RBM34: variants seen among roughly 807,000 people sequenced by gnomAD.
The protein encoded by RBM34 is RNA binding motif protein 34, also known as RNA-binding protein 34.
A neutral mutation model predicts 44.6 loss-of-function variants in RBM34; 39 were observed. That is an observed-to-expected ratio of 0.87 (90% CI 0.68 to 1.14). RBM34 has a LOEUF of 1.14. Ranked by LOEUF, RBM34 falls within the 50% of genes most tolerant of loss-of-function variation. RBM34 has a pLI of 0.00. For missense variants in RBM34, 572 were observed against 517.9 expected, an observed-to-expected ratio of 1.10 and a Z score of -1.01; for synonymous variants, 194 against 184.0, an observed-to-expected ratio of 1.05 and a Z score of -0.44.
Position 235,154,944 on chromosome 1 carries a change from T to G in RBM34, c.534A>C (p.Glu178Asp). ...CAGTTCTCTCATTCTTTAATCTCTC[T>G]TCTTCTTGGTTGATTTGAATTTTCT... ...QRKKIQINQEEERLKNERTVF... is the reference protein window; with the variant it reads ...QRKKIQINQEDERLKNERTVF... Residue 178 changes from glutamate to aspartate, a missense_variant, in exon 4 of 11, where the codon GAA becomes GAC. Transcript: ENST00000408888. 3 of 1,614,068 alleles carry G rather than the reference T, an allele frequency of 1.9e-6. No individual in the cohort carries two copies. The highest frequency in any genetic ancestry group is 2.2e-5 in the South Asian group (2 of 91,084).
chr1:235,155,389 T>A (rs556107031), intron 3 of RBM34, among the ~76,000 whole-genome samples: 170 of 152,068 alleles, frequency 1.1e-3, no homozygotes, highest in African/African-American at 3.7e-3. Flanking sequence ...TCACCCAGGC[T>A]GGAGTGTAGC....
chr1:235,152,915 C>G (rs1324307806), intron 4 of RBM34, 150 bp from the exon 5 acceptor site: 1 of 647,470 alleles, frequency 1.5e-6, no homozygotes, highest in African/African-American at 2.0e-5. Flanking sequence ...TTCGCCCAGG[C>G]TGGAGTGCAG....
chr1:235,143,989 G>A (rs779871940), intron 6 of RBM34, among the ~76,000 whole-genome samples: 1 of 152,042 alleles, frequency 6.6e-6, no homozygotes, highest in Non-Finnish European at 1.5e-5. Context: ...GACCAGTCTG[G>A]GCATTAGTGA....
chr1:235,132,529 G>A (rs968413697), intron 10 of RBM34, among the ~76,000 whole-genome samples: 1 of 152,012 alleles, frequency 6.6e-6, no homozygotes, highest in Admixed American at 6.6e-5. Flanking sequence ...GAATGGTCTC[G>A]ATCTCTTGAC....
chr1:235,138,043 C>T, intron 7 of RBM34, 48 bp downstream of exon 7: 1 of 1,559,198 alleles, frequency 6.4e-7, no homozygotes, highest in Non-Finnish European at 8.8e-7. Context: ...AGTACTCATA[C>T]ATACTTATAG....
chr1:235,154,598 T>C (rs1025679806), intron 4 of RBM34, among the ~76,000 whole-genome samples: 3 of 152,022 alleles, frequency 2.0e-5, no homozygotes, highest in Admixed American at 6.6e-5. Flanking sequence ...TCTTTAAACA[T>C]ATGGAGCTTA....
chr1:235,157,937 G>C (rs542977694), intron 3 of RBM34, among the ~76,000 whole-genome samples: 1 of 152,138 alleles, frequency 6.6e-6, no homozygotes, highest in Admixed American at 6.5e-5. Flanking sequence ...GTGGAAGGGT[G>C]AACAGATCAA....
At chr1:235,150,161 G>A (rs1349559450) in intron 5 of RBM34, among the ~76,000 whole-genome samples, 4 of 152,176 alleles carry the variant, frequency 2.6e-5, no homozygotes, top group African/African-American at 7.2e-5. Context: ...TGCAACTTCC[G>A]CCTCTCAGGT....
rs773730440 is a variant in RBM34 at position 235,137,895 on chromosome 1, G to T, written c.831C>A (p.Leu277=). Residue 277 remains leucine (L), a synonymous_variant, in exon 8 of 11, where the codon CTC becomes CTA. Transcript: ENST00000408888. ...TACTTACAGATGAGGTCTCAGATGC[G>T]AGATCAACTCTAATACGAAATCCAT... The part of the protein sequence containing the change: ...IADGFRIRVD[L]ASETSSRDKR... The T allele has an allele frequency of 5.0e-6, 8 of 1,599,402 alleles. No individual in the cohort carries two copies. The African/African-American group carries it at 9.4e-5, about 19-fold the overall frequency.
At chr1:235,151,866 G>A (rs554821003) in intron 5 of RBM34, among the ~76,000 whole-genome samples, 1 of 151,934 alleles carries the variant, frequency 6.6e-6, no homozygotes, top group South Asian at 2.1e-4. Context: ...AACCCTGTCC[G>A]GACTAAAAAT....
intron 3 of RBM34, among the ~76,000 whole-genome samples, chr1:235,158,997 G>T (rs1662572294): frequency 6.6e-6 from 1 of 150,666 alleles, no homozygotes; most frequent in Non-Finnish European, 1.5e-5. Flanking sequence ...TGGATCACTT[G>T]AGTCCAGCAG....
chr1:235,146,491 G>A lies in RBM34; in HGVS notation c.701+1913C>T, dbSNP rs546785206. Among the ~76,000 whole-genome samples the A allele has an allele frequency of 2.0e-5, 3 of 152,240 alleles. No homozygotes were observed. In the East Asian group the frequency reaches 5.8e-4, roughly 29 times the overall value. On this transcript the variant is annotated intron_variant, in intron 6 of 10. Coordinates refer to ENST00000408888, the MANE Select transcript of RBM34 (RefSeq NM_015014.4). ...ACCAGTGAGTTAAACTGTTTTATGT[G>A]GGAAGAAGAACATCTATGCGTATCA...
At chr1:235,155,161 G>A (rs1396821906) in intron 3 of RBM34, 49 bp from the exon 4 acceptor site, 1 of 1,472,760 alleles carries the variant, frequency 6.8e-7, no homozygotes, top group Non-Finnish European at 9.4e-7. Context: ...TGCCAGTTAG[G>A]TCTAGTATTT....
chr1:235,142,093 G>A (rs1661707903), intron 6 of RBM34, among the ~76,000 whole-genome samples: 1 of 152,226 alleles, frequency 6.6e-6, no homozygotes, highest in Admixed American at 6.5e-5. Context: ...CAGCTACCGG[G>A]GGAGAGGTGG....
intron 7 of RBM34, 64 bp downstream of exon 7, chr1:235,138,026 TA>T: frequency 2.0e-6 from 3 of 1,538,222 alleles, no homozygotes; most frequent in African/African-American, 1.4e-5. Context: ...AACCAAAGAA[TA>T]AAAAAAGTAC....
At chr1:235,137,028 C>A (rs566750537) in intron 8 of RBM34, among the ~76,000 whole-genome samples, 7 of 152,170 alleles carry the variant, frequency 4.6e-5, no homozygotes, top group African/African-American at 7.2e-5. Flanking sequence ...GGTCTATCTC[C>A]TCATCTTTCA....
In RBM34 at chr1:235,160,572, G is replaced by T. The variant is rs1480414888; in HGVS notation, c.304C>A (p.Pro102Thr). 6.2e-7 allele frequency: 1 copy of T among 1,613,926 alleles called. No homozygotes were observed. The highest frequency in any genetic ancestry group is 8.5e-7 in the Non-Finnish European group (1 of 1,179,950). Reference sequence around the variant, plus strand: ...TTCTTCGCTTTCACTTTTTTGGCAGGTTCTTGCGAAAGTGGTCTTTCAATC... The same window carrying T: ...TTCTTCGCTTTCACTTTTTTGGCAGTTTCTTGCGAAAGTGGTCTTTCAATC... ...SQIERPLSQEPAKKVKAKKKH... is the reference protein window; with the variant it reads ...SQIERPLSQETAKKVKAKKKH... The change falls in exon 3 of 11, where the codon CCT (proline) becomes ACT (threonine). Residue 102 changes from proline to threonine, a missense_variant. By Grantham distance (38) the Pro-to-Thr change is conservative. Coordinates refer to ENST00000408888, the MANE Select transcript of RBM34 (RefSeq NM_015014.4).
At chr1:235,141,487 C>G (rs945775618) in intron 6 of RBM34, among the ~76,000 whole-genome samples, 3 of 152,158 alleles carry the variant, frequency 2.0e-5, no homozygotes, top group African/African-American at 7.2e-5. Context: ...TCAAAACAGA[C>G]CACTCGGCTC....
intron 6 of RBM34, among the ~76,000 whole-genome samples, chr1:235,140,955 T>C (rs1661658802): frequency 6.6e-6 from 1 of 152,108 alleles, no homozygotes; most frequent in Non-Finnish European, 1.5e-5. Flanking sequence ...TGTATCTAGC[T>C]CAAGGTTTGT....
Sources: gnomAD v4.1 joint callset for allele counts (sites outside exome capture counted in the v4.1 genomes callset) on GRCh38, gnomAD v4.1.1 for gene constraint, MANE v1.5 for transcripts, NCBI Gene and HGNC (gene_info 2026-07-23, HGNC 2026-07-21) for gene names.